Variants in FCRL2 observed in about 807,000 individuals in gnomAD.
FCRL2 encodes Fc receptor like 2.
Under a neutral mutation model 59.8 loss-of-function variants are expected in FCRL2, and 48 were observed. That is an observed-to-expected ratio of 0.80 (90% CI 0.64 to 1.02). The LOEUF (loss-of-function observed/expected upper bound fraction) is 1.02. Ranked by LOEUF, FCRL2 falls within the 50% of genes least tolerant of loss-of-function variation. The pLI, the probability that FCRL2 is intolerant of heterozygous loss-of-function variation, is 0.00. For synonymous variants in FCRL2, 251 were observed against 229.5 expected, an observed-to-expected ratio of 1.09 and a Z score of -0.85; for missense variants, 658 against 597.3, an observed-to-expected ratio of 1.10 and a Z score of -1.06.
Position 157,746,646 on chromosome 1 carries a change from T to A in FCRL2, c.*90A>T. 7.3e-7 allele frequency: 1 copy of A among 1,360,580 alleles called. No individual in the cohort carries two copies. The highest frequency in any genetic ancestry group is 1.0e-6 in the Non-Finnish European group (1 of 958,708). The allele number at this position is 1,360,580 out of a possible 1,614,324, so 84.3% of individuals were successfully genotyped here. A position where few individuals can be genotyped will look rare whatever the true frequency, so the allele number is the denominator to read the frequency against. Reference sequence around the variant, plus strand: ...GGCACGTTCTGGCTGTGGCAGGTGATAAGCCTCAAGCATTTTCATAAGGTT... The same window carrying A: ...GGCACGTTCTGGCTGTGGCAGGTGAAAAGCCTCAAGCATTTTCATAAGGTT... On this transcript the variant is annotated 3_prime_UTR_variant, in exon 12 of 12. Transcript: ENST00000361516.
rs952962707 is a variant in FCRL2 at position 157,746,566 on chromosome 1, A to G, written c.*170T>C. 2.1e-5 allele frequency: 13 copies of G among 622,418 alleles called. No individual in the cohort carries two copies. The African/African-American group carries it at 2.4e-4, about 11-fold the overall frequency. 38.6% of individuals were successfully genotyped at this position (622,418 alleles called of 1,614,324 possible). A position where few individuals can be genotyped will look rare whatever the true frequency, so the allele number is the denominator to read the frequency against. Reference sequence around the variant, plus strand: ...TTCAATGAATATTGATAGGTAAAAGAAGATATTGGAGAAGAAACATCATCA... The same window carrying G: ...TTCAATGAATATTGATAGGTAAAAGGAGATATTGGAGAAGAAACATCATCA... On this transcript the variant is annotated 3_prime_UTR_variant, in exon 12 of 12. Coordinates refer to ENST00000361516, the MANE Select transcript of FCRL2 (RefSeq NM_030764.4).
intron 2 of FCRL2, among the ~76,000 whole-genome samples, chr1:157,771,766 A>G (rs1243182092): frequency 6.6e-6 from 1 of 152,138 alleles, no homozygotes; most frequent in Non-Finnish European, 1.5e-5. Context: ...CCACAAAGTA[A>G]GGAATTAAGT....
At chr1:157,775,933 T>A in intron 1 of FCRL2, 138 bp from the exon 2 acceptor site, 1 of 933,374 alleles carries the variant, frequency 1.1e-6, no homozygotes, top group Non-Finnish European at 1.6e-6. Flanking sequence ...CTCTTATTAC[T>A]AACAATTCAA....
At chr1:157,766,735 A>G in intron 7 of FCRL2, 120 bp downstream of exon 7, 1 of 1,512,794 alleles carries the variant, frequency 6.6e-7, no homozygotes, top group Non-Finnish European at 8.9e-7. Flanking sequence ...ATGAAGCATA[A>G]AAAGAAATTA....
chr1:157,757,156 G>A (rs1360117426), intron 7 of FCRL2, among the ~76,000 whole-genome samples: 9 of 152,102 alleles, frequency 5.9e-5, no homozygotes, highest in Non-Finnish European at 8.8e-5. Context: ...TGATCAATGG[G>A]ACTTTTTGAT....
At chr1:157,754,400 A>C (rs894419073) in intron 7 of FCRL2, among the ~76,000 whole-genome samples, 1 of 152,238 alleles carries the variant, frequency 6.6e-6, no homozygotes, top group Admixed American at 6.5e-5. Context: ...AAGGGGAGGC[A>C]TGAATAATCC....
intron 2 of FCRL2, among the ~76,000 whole-genome samples, chr1:157,773,773 G>A (rs1021325604): frequency 1.3e-5 from 2 of 152,172 alleles, no homozygotes; most frequent in African/African-American, 4.8e-5. Context: ...GGAGTCAGAG[G>A]CCCTAGAAGG....
intron 7 of FCRL2, among the ~76,000 whole-genome samples, chr1:157,756,840 C>A (rs962247184): frequency 1.3e-5 from 2 of 152,140 alleles, no homozygotes; most frequent in African/African-American, 4.8e-5. Context: ...GTATGTGAGG[C>A]AATACATATA....
At chr1:157,771,815 T>G (rs1650043929) in intron 2 of FCRL2, among the ~76,000 whole-genome samples, 1 of 152,214 alleles carries the variant, frequency 6.6e-6, no homozygotes, top group South Asian at 2.1e-4. Context: ...ACTATTCAAT[T>G]GTATCATGAC....
Position 157,746,644 on chromosome 1 carries a change from G to T in FCRL2, c.*92C>A. On this transcript the variant is annotated 3_prime_UTR_variant, in exon 12 of 12. Transcript: ENST00000361516. ...GAGGCACGTTCTGGCTGTGGCAGGT[G>T]ATAAGCCTCAAGCATTTTCATAAGG... 7.5e-7 allele frequency: 1 copy of T among 1,335,192 alleles called. No homozygotes were observed. Among genetic ancestry groups the T allele is most frequent in the Non-Finnish European group, 1.1e-6 (1 of 936,344 alleles). The allele number at this position is 1,335,192 out of a possible 1,614,324, so 82.7% of individuals were successfully genotyped here.
At chr1:157,776,234 G>A (rs1375151669) in intron 1 of FCRL2, among the ~76,000 whole-genome samples, 1 of 152,128 alleles carries the variant, frequency 6.6e-6, no homozygotes, top group Non-Finnish European at 1.5e-5. Context: ...TCACGTTAGA[G>A]CCCTTTGTAT....
chr1:157,764,347 T>C (rs755481091), intron 7 of FCRL2, among the ~76,000 whole-genome samples: 4 of 152,050 alleles, frequency 2.6e-5, no homozygotes, highest in South Asian at 2.1e-4. Flanking sequence ...AAAGAAAAAA[T>C]AGAGCTAGAC....
At chr1:157,769,002 C>T (rs533753426) in intron 4 of FCRL2, 1 of 283,072 alleles carries the variant, frequency 3.5e-6, no homozygotes, top group Non-Finnish European at 6.6e-6. Flanking sequence ...ACCTTTTGCA[C>T]AGAATATAGA....
intron 7 of FCRL2, among the ~76,000 whole-genome samples, chr1:157,757,618 T>G (rs1648698937): frequency 6.6e-6 from 1 of 152,194 alleles, no homozygotes; most frequent in South Asian, 2.1e-4. Context: ...ATGAAATTTA[T>G]CTTGCTGGCA....
Position 157,770,413 on chromosome 1 carries a change from G to A in FCRL2, c.306C>T (p.Val102=). 6.2e-7 allele frequency: 1 copy of A among 1,612,906 alleles called. No individual in the cohort carries two copies. The highest frequency in any genetic ancestry group is 8.5e-7 in the Non-Finnish European group (1 of 1,179,592). Residue 102 remains valine, a synonymous_variant, in exon 3 of 12, where the codon GTC becomes GTT. Coordinates refer to ENST00000361516, the MANE Select transcript of FCRL2 (RefSeq NM_030764.4). ...DKTSNIVKIK[V]QELFQRPVLT... ...CCACAGAAGTCAGGGTTTTACCTTGGACTTTTATCTTTACTATATTTGAAG... is the reference window on the plus strand; with the variant it reads ...CCACAGAAGTCAGGGTTTTACCTTGAACTTTTATCTTTACTATATTTGAAG...
At chr1:157,755,419 C>T (rs532930451) in intron 7 of FCRL2, among the ~76,000 whole-genome samples, 19 of 152,202 alleles carry the variant, frequency 1.2e-4, no homozygotes, top group East Asian at 5.8e-4. Context: ...CATGTCCTTA[C>T]GGGAGTATAA....
intron 7 of FCRL2, among the ~76,000 whole-genome samples, chr1:157,756,845 C>G (rs1424356366): frequency 1.3e-5 from 2 of 152,134 alleles, no homozygotes; most frequent in Non-Finnish European, 2.9e-5. Flanking sequence ...TGAGGCAATA[C>G]ATATATTAAT....
chr1:157,773,233 A>C (rs1040773905), intron 2 of FCRL2, among the ~76,000 whole-genome samples: 2 of 152,220 alleles, frequency 1.3e-5, no homozygotes, highest in African/African-American at 4.8e-5. Flanking sequence ...TCAACTGAGA[A>C]ATGGAACAAC....
Position 157,775,877 on chromosome 1 carries a change from C to T in FCRL2, c.32-82G>A, listed in dbSNP as rs928558431. On this transcript the variant is annotated intron_variant, in intron 1 of 11. Transcript: ENST00000361516. ...AAATTTATATTACTCTGGTAAATTGCTCAAAAACTTCTTTCCATTTTCCCT... is the reference window on the plus strand; with the variant it reads ...AAATTTATATTACTCTGGTAAATTGTTCAAAAACTTCTTTCCATTTTCCCT... 7.5e-6 allele frequency: 11 copies of T among 1,461,946 alleles called. No homozygotes were observed. In the African/African-American group the frequency reaches 1.6e-4, roughly 21 times the overall value. 90.6% of individuals were successfully genotyped at this position (1,461,946 alleles called of 1,614,324 possible).
Sources: allele counts gnomAD v4.1 joint callset (sites outside exome capture counted in the v4.1 genomes callset), GRCh38; gene constraint gnomAD v4.1.1; transcripts MANE v1.5; gene names NCBI Gene and HGNC (gene_info 2026-07-23, HGNC 2026-07-21).